The following SCAMP1 variants were observed in gnomAD, a reference collection of about 807,000 sequenced individuals.
SCAMP1 encodes the protein secretory carrier-associated membrane protein 1.
A neutral mutation model predicts 41.8 loss-of-function variants in SCAMP1; 15 were observed. The observed-to-expected ratio is 0.36, with a 90% CI of 0.24 to 0.55. SCAMP1 has a LOEUF of 0.55. Ranked by LOEUF, SCAMP1 falls within the 20% of genes least tolerant of loss-of-function variation. The pLI, the probability that SCAMP1 is intolerant of heterozygous loss-of-function variation, is 0.86. For missense variants in SCAMP1, 341 were observed against 412.6 expected (o/e 0.83, Z 1.50); for synonymous variants, 135 against 136.8 (o/e 0.99, Z 0.09).
intron 7 of SCAMP1, among the ~76,000 whole-genome samples, chr5:78,452,434 C>T (rs1389771487): frequency 2.3e-5 from 3 of 132,176 alleles, no homozygotes; most frequent in African/African-American, 2.9e-5. Flanking sequence ...TGAGAATATG[C>T]GGTGTTTGGT....
chr5:78,449,406 T>C (rs1333883468), intron 6 of SCAMP1, among the ~76,000 whole-genome samples: 1 of 151,990 alleles, frequency 6.6e-6, no homozygotes, highest in East Asian at 1.9e-4. Context: ...AAAGACTACA[T>C]AATATATGAT....
chr5:78,374,176 G>A (rs1426251579), intron 1 of SCAMP1, among the ~76,000 whole-genome samples: 3 of 152,102 alleles, frequency 2.0e-5, no homozygotes, highest in Non-Finnish European at 4.4e-5. Flanking sequence ...TGTGATAAAT[G>A]CTTTGATGCT....
At chr5:78,409,448 C>CACAT (rs1554043357) in intron 2 of SCAMP1, among the ~76,000 whole-genome samples, 6 of 150,376 alleles carry the variant, frequency 4.0e-5, no homozygotes, top group Admixed American at 1.3e-4. Flanking sequence ...CACACACACA[C>CACAT]GCATACACGC....
intron 7 of SCAMP1, among the ~76,000 whole-genome samples, chr5:78,455,480 G>T (rs1411220762): frequency 1.5e-5 from 2 of 131,204 alleles, no homozygotes; most frequent in Admixed American, 7.2e-5. Context: ...CAGTTTCCAT[G>T]TAGTTGAGTG....
At chr5:78,410,903 T>C (rs370520106) in intron 2 of SCAMP1, among the ~76,000 whole-genome samples, 1 of 152,218 alleles carries the variant, frequency 6.6e-6, no homozygotes, top group African/African-American at 2.4e-5. Context: ...ATCAGTGATG[T>C]TGAGCTTTTT....
intron 1 of SCAMP1, among the ~76,000 whole-genome samples, chr5:78,376,318 A>T: frequency 6.6e-6 from 1 of 152,230 alleles, no homozygotes. Flanking sequence ...AATGTATTTT[A>T]TACTTTTAGC....
intron 1 of SCAMP1, among the ~76,000 whole-genome samples, chr5:78,365,414 C>T (rs1417965335): frequency 5.4e-5 from 7 of 129,882 alleles, no homozygotes; most frequent in East Asian, 2.3e-4. Flanking sequence ...GTGGAGGTTG[C>T]AGTGAGCTGA....
intron 6 of SCAMP1, among the ~76,000 whole-genome samples, chr5:78,437,765 T>A (rs781411565): frequency 1.8e-4 from 28 of 152,172 alleles, no homozygotes; most frequent in Non-Finnish European, 2.6e-4. Context: ...TTTTCTATTG[T>A]TTGGAATAGT....
intron 8 of SCAMP1, among the ~76,000 whole-genome samples, chr5:78,466,562 T>TGG (rs980277035): frequency 3.9e-5 from 6 of 152,150 alleles, no homozygotes; most frequent in African/African-American, 9.7e-5. Context: ...TCAGAATGGA[T>TGG]GGGAGATAAA....
intron 2 of SCAMP1, among the ~76,000 whole-genome samples, chr5:78,393,940 C>A (rs1056034034): frequency 6.6e-6 from 1 of 152,150 alleles, no homozygotes; most frequent in Middle Eastern, 3.4e-3. Flanking sequence ...GATAGGGACA[C>A]CTGTGTGTGG....
At chr5:78,393,241 G>C (rs1278718631) in intron 2 of SCAMP1, among the ~76,000 whole-genome samples, 1 of 152,180 alleles carries the variant, frequency 6.6e-6, no homozygotes, top group Non-Finnish European at 1.5e-5. Context: ...CAGTGGCACA[G>C]TCGTTGCTCA....
intron 6 of SCAMP1, among the ~76,000 whole-genome samples, chr5:78,448,189 G>GTTTTTTTTT (rs781194684): frequency 1.2e-5 from 1 of 84,062 alleles, no homozygotes; most frequent in Non-Finnish European, 2.4e-5. Flanking sequence ...CTTCCCTTTT[G>GTTTTTTTTT]TTTTTTTTTG....
intron 5 of SCAMP1, among the ~76,000 whole-genome samples, chr5:78,420,202 C>T (rs1009215037): frequency 1.3e-5 from 2 of 152,136 alleles, no homozygotes; most frequent in Admixed American, 6.5e-5. Flanking sequence ...ACTACAGGCA[C>T]ATGCCATCAC....
At chr5:78,448,800 AGACCAACCT>A (rs1452862713) in intron 6 of SCAMP1, among the ~76,000 whole-genome samples, 1 of 152,144 alleles carries the variant, frequency 6.6e-6, no homozygotes, top group African/African-American at 2.4e-5. Context: ...TGGGAGTTCG[AGACCAACCT>A]GACCAACGTG....
Position 78,360,681 on chromosome 5 carries a change from T to A in SCAMP1, c.10T>A (p.Phe4Ile). 6.2e-7 allele frequency: 1 copy of A among 1,610,146 alleles called. No homozygotes were observed. The highest frequency in any genetic ancestry group is 8.5e-7 in the Non-Finnish European group (1 of 1,178,442). MSD[F>I]DSNPFADPDL... is the part of the protein sequence containing the mutation. ...GCCGAGAGCCAGAGAGATGTCGGAT[T>A]TCGACAGTAACCCGTTTGCCGACCC... is the stretch of plus-strand genomic sequence containing the variant. Residue 4 changes from phenylalanine to isoleucine, a missense_variant, in exon 1 of 9, where the codon TTC becomes ATC. Physicochemically the swap from Phe to Ile is conservative, Grantham distance 21. Transcript: ENST00000621999.
chr5:78,411,301 T>C (rs1473792094), intron 2 of SCAMP1, among the ~76,000 whole-genome samples: 2 of 152,160 alleles, frequency 1.3e-5, no homozygotes, highest in Non-Finnish European at 2.9e-5. Context: ...ACTTTTCTAA[T>C]TGGAGAAGTT....
At chr5:78,461,559 C>G (rs569686246) in intron 8 of SCAMP1, among the ~76,000 whole-genome samples, 102 of 152,148 alleles carry the variant, frequency 6.7e-4, no homozygotes, top group African/African-American at 2.3e-3. Context: ...TGCTTGCTTA[C>G]CATAGTCTTT....
intron 6 of SCAMP1, among the ~76,000 whole-genome samples, chr5:78,424,011 A>G (rs1248935430): frequency 6.6e-6 from 1 of 151,802 alleles, no homozygotes; most frequent in Non-Finnish European, 1.5e-5. Flanking sequence ...TGCCTGGCTA[A>G]TTTTGTATTT....
At chr5:78,452,804 A>G (rs1364965248) in intron 7 of SCAMP1, among the ~76,000 whole-genome samples, 3 of 144,844 alleles carry the variant, frequency 2.1e-5, no homozygotes, top group Admixed American at 6.8e-5. Context: ...AGTCCCACCA[A>G]CAGTGTAAAA....
Sources: gnomAD v4.1 joint callset for allele counts (sites outside exome capture counted in the v4.1 genomes callset) on GRCh38, gnomAD v4.1.1 for gene constraint, MANE v1.5 for transcripts, NCBI Gene and HGNC (gene_info 2026-07-23, HGNC 2026-07-21) for gene names.